The following FHOD3 variants were observed in gnomAD, a reference collection of about 807,000 sequenced individuals.
FHOD3 encodes FH1/FH2 domain-containing protein 3.
A neutral mutation model predicts 173.0 loss-of-function variants in FHOD3; 90 were observed. The observed-to-expected ratio is 0.52, with a 90% CI of 0.44 to 0.62. FHOD3 has a LOEUF of 0.62. FHOD3 is among the 20% of genes least tolerant of loss of function. The pLI is 0.00. For synonymous variants in FHOD3, 828 were observed against 823.0 expected, an observed-to-expected ratio of 1.01 and a Z score of -0.10; for missense variants, 1,945 against 2,034.7, an observed-to-expected ratio of 0.96 and a Z score of 0.85.
intron 3 of FHOD3, among the ~76,000 whole-genome samples, chr18:36,474,693 G>A (rs546125270): frequency 6.6e-6 from 1 of 152,224 alleles, no homozygotes; most frequent in African/African-American, 2.4e-5. Flanking sequence ...GCTAGGGTCT[G>A]GCTCAGTTGG....
intron 18 of FHOD3, among the ~76,000 whole-genome samples, chr18:36,712,169 G>A (rs963001471): frequency 1.3e-5 from 2 of 152,184 alleles, no homozygotes; most frequent in African/African-American, 4.8e-5. Flanking sequence ...GATTAGATAG[G>A]AGCCAAAGTC....
At chr18:36,309,116 T>G (rs1598650172) in intron 1 of FHOD3, among the ~76,000 whole-genome samples, 3 of 151,530 alleles carry the variant, frequency 2.0e-5, no homozygotes, top group Middle Eastern at 6.8e-3. Flanking sequence ...GTGGGTGGGG[T>G]GGGTATTGGG....
chr18:36,574,644 T>C (rs1176350103), intron 5 of FHOD3, among the ~76,000 whole-genome samples: 5 of 152,182 alleles, frequency 3.3e-5, no homozygotes, highest in African/African-American at 1.2e-4. Flanking sequence ...TTATTGTATC[T>C]ATAATTTTAC....
chr18:36,696,855 A>G (rs536945482), intron 17 of FHOD3, among the ~76,000 whole-genome samples: 1 of 152,204 alleles, frequency 6.6e-6, no homozygotes, highest in Non-Finnish European at 1.5e-5. Context: ...AGCCAGCCCA[A>G]AGTTTGGGCA....
At chr18:36,632,022 CA>C (rs148666638) in intron 10 of FHOD3, among the ~76,000 whole-genome samples, 3,906 of 152,130 alleles carry the variant, frequency 0.026, 178 homozygotes, top group African/African-American at 0.09. Flanking sequence ...TTTCTCATAC[CA>C]AACTTGCTGT....
At chr18:36,504,134 T>C (rs2055178126) in intron 4 of FHOD3, among the ~76,000 whole-genome samples, 1 of 152,214 alleles carries the variant, frequency 6.6e-6, no homozygotes, top group South Asian at 2.1e-4. Flanking sequence ...TTGGCCAGGC[T>C]GGGCTCAAAC....
At chr18:36,732,037 C>T (rs186162734) in intron 20 of FHOD3, among the ~76,000 whole-genome samples, 69 of 152,286 alleles carry the variant, frequency 4.5e-4, no homozygotes, top group Non-Finnish European at 1.5e-4. Context: ...GACTGGTATC[C>T]TTATAAGAAG....
At chr18:36,484,101 T>C (rs1599332395) in intron 3 of FHOD3, among the ~76,000 whole-genome samples, 1 of 152,238 alleles carries the variant, frequency 6.6e-6, no homozygotes, top group Admixed American at 6.5e-5. Flanking sequence ...ATTAAAGATA[T>C]CACATACATC....
intron 3 of FHOD3, among the ~76,000 whole-genome samples, chr18:36,482,463 G>A (rs1018333370): frequency 1.1e-4 from 17 of 151,928 alleles, no homozygotes; most frequent in Admixed American, 2.6e-4. Flanking sequence ...CCCCCGCCCC[G>A]CAAGGCATGA....
rs1170388130 is a variant in FHOD3, at chr18:36,539,029, GTATATT to G, written c.511+26494_511+26499del. Among the ~76,000 whole-genome samples, 15 of 152,236 alleles carry G rather than the reference GTATATT, an allele frequency of 9.9e-5. No homozygotes were observed. In the South Asian group the frequency reaches 2.9e-3, roughly 29 times the overall value. On this transcript the variant is annotated intron_variant, in intron 5 of 28. Transcript: ENST00000590592. ...CACCATACTACCTTTGTAATTTCCT[GTATATT>G]TATATTTCAACATAAAAAGTAAAAA...
chr18:36,738,735 A>T (rs936215840), intron 20 of FHOD3, among the ~76,000 whole-genome samples: 1 of 152,236 alleles, frequency 6.6e-6, no homozygotes, highest in East Asian at 1.9e-4. Flanking sequence ...TTCAAAATCA[A>T]TGGGCCACAT....
chr18:36,713,937 G>A (rs1306731155), intron 18 of FHOD3, among the ~76,000 whole-genome samples: 2 of 152,024 alleles, frequency 1.3e-5, no homozygotes, highest in Admixed American at 6.6e-5. Flanking sequence ...ATGGCAGAGT[G>A]GATTAAAAAT....
intron 3 of FHOD3, among the ~76,000 whole-genome samples, chr18:36,482,447 G>A (rs186472498): frequency 8.6e-5 from 10 of 116,514 alleles, no homozygotes; most frequent in South Asian, 3.4e-4. Context: ...TGACCACTGC[G>A]TGACCCCCCC....
chr18:36,649,371 A>AGAG lies in FHOD3; in HGVS notation c.1253_1255dup (p.Arg418_Glu419insGly). On this transcript the variant is annotated inframe_insertion, in exon 11 of 29. Transcript: ENST00000590592. Reference sequence around the variant, plus strand: ...CACGGAGCCCAGTTCCGAAGAAGAGAGAGAGGATGATGCTTCCTGTCAGGG... The same window carrying AGAG: ...CACGGAGCCCAGTTCCGAAGAAGAGAGAGGAGAGGATGATGCTTCCTGTCAGGG... 6.5e-7 allele frequency: 1 copy of AGAG among 1,535,686 alleles called. No individual in the cohort carries two copies. The highest frequency in any genetic ancestry group is 8.7e-7 in the Non-Finnish European group (1 of 1,146,710).
chr18:36,533,103 C>G (rs1159499285), intron 5 of FHOD3, among the ~76,000 whole-genome samples: 4 of 152,166 alleles, frequency 2.6e-5, no homozygotes, highest in Non-Finnish European at 4.4e-5. Flanking sequence ...TCTACTGGAG[C>G]TTCAACACAT....
chr18:36,617,610 T>TGTGTGTGTGTGTGTGTGC lies in FHOD3; in HGVS notation c.957+5524_957+5525insTGTGTGTGCGTGTGTGTG, dbSNP rs34321745. Among the ~76,000 whole-genome samples, 582 of 146,102 alleles carry TGTGTGTGTGTGTGTGTGC rather than the reference T, an allele frequency of 4.0e-3. 7 individuals are homozygous for TGTGTGTGTGTGTGTGTGC. The highest frequency in any genetic ancestry group is 0.02 in the Admixed American group (290 of 14,604). On this transcript the variant is annotated intron_variant, in intron 9 of 28. Coordinates refer to ENST00000590592, the MANE Select transcript of FHOD3 (RefSeq NM_001281740.3). ...GTGTGTGTGTGTGTGTGTGTGTGTG[T>TGTGTGTGTGTGTGTGTGC]GTGTGTGTGCAATAGTTAAGATGTT...
At chr18:36,627,712 T>A (rs1339839972) in intron 10 of FHOD3, among the ~76,000 whole-genome samples, 1 of 152,222 alleles carries the variant, frequency 6.6e-6, no homozygotes, top group African/African-American at 2.4e-5. Flanking sequence ...GGATTTTGCC[T>A]GTGGCCCCAA....
At chr18:36,307,858 T>C (rs2092145124) in intron 1 of FHOD3, among the ~76,000 whole-genome samples, 1 of 152,244 alleles carries the variant, frequency 6.6e-6, no homozygotes, top group South Asian at 2.1e-4. Context: ...TACAAATCAC[T>C]TTTCTCATCA....
chr18:36,413,294 T>C (rs1223708895), intron 3 of FHOD3, among the ~76,000 whole-genome samples: 3 of 152,192 alleles, frequency 2.0e-5, no homozygotes, highest in Admixed American at 1.3e-4. Context: ...CAGCCTTGCC[T>C]GTGTTCAGCT....
Sources: allele counts gnomAD v4.1 joint callset (sites outside exome capture counted in the v4.1 genomes callset), GRCh38; gene constraint gnomAD v4.1.1; transcripts MANE v1.5; gene names NCBI Gene and HGNC (gene_info 2026-07-23, HGNC 2026-07-21).